BRINP2: variants seen among roughly 807,000 people sequenced by gnomAD.
BRINP2 encodes BMP/retinoic acid inducible neural specific 2, also known as BMP/retinoic acid-inducible neural-specific protein 2.
BRINP2 carries 21 observed loss-of-function variants against 69.2 expected under a neutral mutation model. The ratio of observed to expected loss-of-function variants is 0.30; its 90% CI spans 0.22 to 0.44. BRINP2 has a LOEUF of 0.44. BRINP2 is among the 20% of genes least tolerant of loss of function. The pLI is 1.00. For missense variants in BRINP2, 877 were observed against 986.0 expected (o/e 0.89, Z 1.48); for synonymous variants, 380 against 394.1 (o/e 0.96, Z 0.42).
intron 1 of BRINP2, among the ~76,000 whole-genome samples, chr1:177,178,490 TC>T (rs1648152347): frequency 6.6e-6 from 1 of 152,098 alleles, no homozygotes; most frequent in African/African-American, 2.4e-5. Context: ...TGCAGAATCT[TC>T]CCCTGTCCTA....
intron 1 of BRINP2, among the ~76,000 whole-genome samples, chr1:177,178,001 G>A (rs1025285040): frequency 1.4e-4 from 21 of 152,250 alleles, no homozygotes; most frequent in African/African-American, 3.9e-4. Context: ...ACTTCCAAAC[G>A]AATAATGAAG....
Position 177,229,875 on chromosome 1 carries a change from G to A in BRINP2, c.-2G>A. ...TGAAGAAACCAATCGCCCGGGAGAA[G>A]CATGAGGTGGCAGTGTGGCACTCGG... On this transcript the variant is annotated 5_prime_UTR_variant, in exon 2 of 8. Coordinates refer to ENST00000361539, the MANE Select transcript of BRINP2 (RefSeq NM_021165.4). 1 of 1,578,546 alleles carries A rather than the reference G, an allele frequency of 6.3e-7. No individual in the cohort carries two copies. The highest frequency in any genetic ancestry group is 8.6e-7 in the Non-Finnish European group (1 of 1,157,122).
At chr1:177,266,653 G>A (rs1333710478) in intron 4 of BRINP2, among the ~76,000 whole-genome samples, 4 of 151,280 alleles carry the variant, frequency 2.6e-5, no homozygotes, top group East Asian at 1.9e-4. Context: ...CCAGCTACTC[G>A]GGAGGGTGAG....
At chr1:177,238,484 C>T (rs909488323) in intron 2 of BRINP2, among the ~76,000 whole-genome samples, 2 of 152,296 alleles carry the variant, frequency 1.3e-5, no homozygotes, top group East Asian at 3.9e-4. Flanking sequence ...TGGGACAAGC[C>T]AGAAACCTCA....
At chr1:177,257,580 T>C (rs1219671690) in intron 4 of BRINP2, among the ~76,000 whole-genome samples, 196 bp downstream of exon 4, 1 of 152,104 alleles carries the variant, frequency 6.6e-6, no homozygotes, top group East Asian at 1.9e-4. Flanking sequence ...GAGCACCCAC[T>C]CTGAGGCAGG....
At position 177,282,100 on chromosome 1, in the gene BRINP2, A is replaced by T. The variant is rs1401297349; in HGVS notation, c.*572A>T. The T allele has an allele frequency of 6.5e-6, 1 of 152,844 alleles. No individual in the cohort carries two copies. The highest frequency in any genetic ancestry group is 1.5e-5 in the Non-Finnish European group (1 of 68,160). 9.5% of individuals were successfully genotyped at this position (152,844 alleles called of 1,614,324 possible). A position where few individuals can be genotyped will look rare whatever the true frequency, so the allele number is the denominator to read the frequency against. On this transcript the variant is annotated 3_prime_UTR_variant, in exon 8 of 8. Transcript: ENST00000361539. Reference sequence around the variant, plus strand: ...GGGAAACACAAGAAGTACAACCAACAGGAACCAGCGCCAAGGGCAGGCAGC... The same window carrying T: ...GGGAAACACAAGAAGTACAACCAACTGGAACCAGCGCCAAGGGCAGGCAGC...
chr1:177,199,835 C>A (rs575988496), intron 1 of BRINP2, among the ~76,000 whole-genome samples: 92 of 152,316 alleles, frequency 6.0e-4, no homozygotes, highest in Non-Finnish European at 1.1e-3. Flanking sequence ...AGCAATGCAT[C>A]TGCAGATATT....
intron 4 of BRINP2, among the ~76,000 whole-genome samples, chr1:177,260,305 G>A (rs1450853904): frequency 6.6e-6 from 1 of 152,172 alleles, no homozygotes; most frequent in African/African-American, 2.4e-5. Context: ...AATAAATGAC[G>A]AGTTGCTTCT....
intron 1 of BRINP2, among the ~76,000 whole-genome samples, chr1:177,203,236 C>A (rs551609191): frequency 1.3e-5 from 2 of 151,926 alleles, no homozygotes. Flanking sequence ...GACAAAAAAA[C>A]CAAACACAGC....
At chr1:177,251,200 G>A (rs1486013970) in intron 2 of BRINP2, among the ~76,000 whole-genome samples, 2 of 152,080 alleles carry the variant, frequency 1.3e-5, no homozygotes, top group African/African-American at 2.4e-5. Context: ...GGCTTTTTGA[G>A]GCATCTCAAT....
chr1:177,216,308 T>C (rs950752090), intron 1 of BRINP2, among the ~76,000 whole-genome samples: 2 of 152,130 alleles, frequency 1.3e-5, no homozygotes, highest in Non-Finnish European at 2.9e-5. Flanking sequence ...GAGGCTTACA[T>C]AGAACATGTT....
chr1:177,208,941 T>G (rs866823481), intron 1 of BRINP2, among the ~76,000 whole-genome samples: 11 of 152,196 alleles, frequency 7.2e-5, no homozygotes, highest in Non-Finnish European at 1.6e-4. Context: ...TTTGTTTGCC[T>G]CTTGGGTCGT....
chr1:177,244,968 C>G (rs1650328096), intron 2 of BRINP2, among the ~76,000 whole-genome samples: 1 of 152,116 alleles, frequency 6.6e-6, no homozygotes, highest in Non-Finnish European at 1.5e-5. Context: ...AGGAAATAAG[C>G]TCCCCTCTCA....
rs1651687631 is a variant in BRINP2 at position 177,281,177 on chromosome 1, G to C, written c.2001G>C (p.Glu667Asp). 1 of 1,614,106 alleles carries C rather than the reference G, an allele frequency of 6.2e-7. No homozygotes were observed. ...SNETIYYEPL[E>D]MTDPSKNLGY... ...AGACAATCTACTATGAGCCCCTGGA[G>C]ATGACTGATCCCTCTAAGAATTTGG... The change falls in exon 8 of 8, where the codon GAG becomes GAC. Residue 667 changes from glutamate (E) to aspartate (D), a missense_variant. Glu to Asp is a conservative substitution (Grantham distance 45). Coordinates refer to ENST00000361539, the MANE Select transcript of BRINP2 (RefSeq NM_021165.4).
chr1:177,278,474 AG>A, intron 6 of BRINP2, 88 bp from the exon 7 acceptor site: 1 of 1,246,028 alleles, frequency 8.0e-7, no homozygotes, highest in Non-Finnish European at 1.2e-6. Context: ...GTAACTTTGA[AG>A]GGCCCTGGAT....
intron 2 of BRINP2, 89 bp downstream of exon 2, chr1:177,230,234 A>G: frequency 1.4e-6 from 2 of 1,408,540 alleles, no homozygotes; most frequent in Middle Eastern, 2.0e-4. Flanking sequence ...ACCCCTAAAC[A>G]GGCTGGAATG....
intron 1 of BRINP2, among the ~76,000 whole-genome samples, chr1:177,228,662 T>C (rs1158216984): frequency 2.0e-5 from 3 of 152,132 alleles, no homozygotes; most frequent in African/African-American, 7.2e-5. Context: ...ACACACCGAA[T>C]TGGTGCTGAC....
chr1:177,183,116 C>T (rs138564377), intron 1 of BRINP2, among the ~76,000 whole-genome samples: 78 of 143,002 alleles, frequency 5.5e-4, no homozygotes, highest in African/African-American at 1.9e-3. Flanking sequence ...GATTTCTTTC[C>T]AGGTGATGGC....
intron 2 of BRINP2, among the ~76,000 whole-genome samples, chr1:177,232,423 C>T (rs1018276628): frequency 7.2e-5 from 11 of 152,166 alleles, no homozygotes; most frequent in Non-Finnish European, 1.5e-4. Context: ...TCAGTTATTG[C>T]ACATGAACCT....
Sources: gnomAD v4.1 joint callset for allele counts (sites outside exome capture counted in the v4.1 genomes callset) on GRCh38, gnomAD v4.1.1 for gene constraint, MANE v1.5 for transcripts, NCBI Gene and HGNC (gene_info 2026-07-23, HGNC 2026-07-21) for gene names.